HAL: variants seen among roughly 807,000 people sequenced by gnomAD.
The protein encoded by HAL is histidase.
In HAL, 85 loss-of-function variants were observed where a neutral mutation model predicts 81.1. The observed-to-expected ratio is 1.05, with a 90% CI of 0.88 to 1.25. The LOEUF is 1.25. Ranked by LOEUF, HAL falls within the 50% of genes most tolerant of loss-of-function variation. The pLI is 0.00. For missense variants in HAL, 798 were observed against 836.6 expected, an observed-to-expected ratio of 0.95 and a Z score of 0.57; for synonymous variants, 301 against 309.2, an observed-to-expected ratio of 0.97 and a Z score of 0.28.
intron 9 of HAL, among the ~76,000 whole-genome samples, chr12:95,992,460 G>T (rs1478162417): frequency 6.6e-6 from 1 of 152,148 alleles, no homozygotes; most frequent in Non-Finnish European, 1.5e-5. Context: ...TAGGGAAAGG[G>T]TCTTGCAGAA....
chr12:95,986,200 T>C (rs1949885934), intron 12 of HAL, 40 bp from the exon 13 acceptor site: 1 of 1,210,120 alleles, frequency 8.3e-7, no homozygotes, highest in Non-Finnish European at 1.2e-6. Context: ...ATAATTCCAT[T>C]TATTTATTTT....
Position 95,986,106 on chromosome 12 carries a change from C to T in HAL, c.1106G>A (p.Arg369Gln), listed in dbSNP as rs117991621. ...RGQIEVAFRFRSLLDSDHHPS... is the reference protein window; with the variant it reads ...RGQIEVAFRFQSLLDSDHHPS... The stretch of plus-strand genomic sequence containing the variant: ...GTGGTGATCTGAGTCCAAGAGTGAC[C>T]GAAACCGAAAAGCAACTTCAATTTG... The change falls in exon 13 of 21, where the codon CGG becomes CAG. Residue 369 changes from arginine to glutamine, a missense_variant. By Grantham distance (43) the Arg-to-Gln change is conservative. Transcript: ENST00000261208. The T allele has an allele frequency of 3.8e-3, 6,053 of 1,613,096 alleles. 16 individuals carry two copies. The highest frequency in any genetic ancestry group is 4.6e-3 in the Non-Finnish European group (5,462 of 1,179,118).
At position 95,972,861 on chromosome 12, in the gene HAL, A is replaced by G. The variant is rs919570797; in HGVS notation, c.*1371T>C. ...GAGACCACTGGGGGTTACTGGCTCA[A>G]TGGCAGCCCACGGATGACAATGCAC... is the stretch of plus-strand genomic sequence containing the variant. On this transcript the variant is annotated 3_prime_UTR_variant, in exon 21 of 21. Coordinates refer to ENST00000261208, the MANE Select transcript of HAL (RefSeq NM_002108.4). The G allele has an allele frequency of 6.6e-6, 1 of 152,208 alleles. No individual in the cohort carries two copies. The highest frequency in any genetic ancestry group is 2.4e-5 in the African/African-American group (1 of 41,456). 9.4% of individuals were successfully genotyped at this position (152,208 alleles called of 1,614,324 possible).
intron 14 of HAL, 144 bp downstream of exon 14, chr12:95,985,764 A>G: frequency 1.5e-6 from 1 of 661,672 alleles, no homozygotes; most frequent in Admixed American, 2.5e-5. Context: ...AACTTTTCAT[A>G]GAGACAGTAA....
intron 14 of HAL, among the ~76,000 whole-genome samples, chr12:95,984,252 G>A (rs539092918): frequency 1.3e-5 from 2 of 152,308 alleles, no homozygotes; most frequent in South Asian, 4.2e-4. Flanking sequence ...CATGGTGTGG[G>A]AGGAAGAATG....
chr12:95,988,145 AAAT>A, intron 11 of HAL, 45 bp downstream of exon 11: 2 of 890,984 alleles, frequency 2.2e-6, no homozygotes, highest in Non-Finnish European at 3.8e-6. Flanking sequence ...AATACTGCAT[AAAT>A]AAAAACTCAT....
intron 11 of HAL, among the ~76,000 whole-genome samples, chr12:95,987,906 C>T (rs905466062): frequency 2.6e-4 from 13 of 49,812 alleles, no homozygotes; most frequent in Admixed American, 8.0e-4. Flanking sequence ...GCGGGGGGGG[C>T]GGGTAGAGAT....
intron 20 of HAL, chr12:95,975,987 G>C (rs1409641481): frequency 6.1e-6 from 2 of 328,900 alleles, no homozygotes; most frequent in Non-Finnish European, 1.2e-5. Context: ...GCACTAGACA[G>C]ACCGAAAGTC....
intron 10 of HAL, chr12:95,989,742 C>A: frequency 6.3e-6 from 1 of 158,096 alleles, no homozygotes; most frequent in Admixed American, 5.9e-5. Context: ...CAAAGACAAG[C>A]CTGCACGGAA....
chr12:95,993,235 G>A (rs1267368982), intron 8 of HAL, among the ~76,000 whole-genome samples: 1 of 152,136 alleles, frequency 6.6e-6, no homozygotes, highest in Non-Finnish European at 1.5e-5. Flanking sequence ...CATGGGACAT[G>A]TGTTCTCATA....
At chr12:95,984,620 C>A (rs759543665) in intron 14 of HAL, among the ~76,000 whole-genome samples, 1 of 152,156 alleles carries the variant, frequency 6.6e-6, no homozygotes, top group Non-Finnish European at 1.5e-5. Context: ...TCTGTGTGAT[C>A]GTGGGCAAGA....
Position 95,973,465 on chromosome 12 carries a change from C to T in HAL, c.*767G>A, listed in dbSNP as rs933869909. 2.6e-5 allele frequency: 4 copies of T among 152,166 alleles called. No homozygotes were observed. The highest frequency in any genetic ancestry group is 4.4e-5 in the Non-Finnish European group (3 of 68,044). 9.4% of individuals were successfully genotyped at this position (152,166 alleles called of 1,614,324 possible). On this transcript the variant is annotated 3_prime_UTR_variant, in exon 21 of 21. Coordinates refer to ENST00000261208, the MANE Select transcript of HAL (RefSeq NM_002108.4). ...TTACAATAAGAATGTGAATAGAGTACTAACACCAAGGAAGTGAAAATACTA... is the reference window on the plus strand; with the variant it reads ...TTACAATAAGAATGTGAATAGAGTATTAACACCAAGGAAGTGAAAATACTA...
intron 11 of HAL, 52 bp downstream of exon 11, chr12:95,988,141 G>C (rs1345869798): frequency 2.3e-6 from 2 of 866,318 alleles, no homozygotes; most frequent in African/African-American, 3.3e-5. Flanking sequence ...TGAAAATACT[G>C]CATAAATAAA....
chr12:95,975,072 A>G (rs1209132238), intron 20 of HAL, among the ~76,000 whole-genome samples: 1 of 152,252 alleles, frequency 6.6e-6, no homozygotes, highest in Non-Finnish European at 1.5e-5. Flanking sequence ...CAAGCCTTAA[A>G]TGGTAAAAGG....
In HAL at chr12:95,980,686, A is replaced by C. The variant is rs142545012; in HGVS notation, c.1389T>G (p.Leu463=). Reference sequence around the variant, plus strand: ...CGATTCTTCTCTCACTGATTGCAGCAAGTTCATGGATGCCAATGGCCAAGT... The same window carrying C: ...CGATTCTTCTCTCACTGATTGCAGCCAGTTCATGGATGCCAATGGCCAAGT... ...LDYLAIGIHE[L]AAISERRIER... is the part of the protein sequence containing the mutation. Residue 463 remains leucine (L), a synonymous_variant, in exon 17 of 21, where the codon CTT becomes CTG. Transcript: ENST00000261208. 117 of 1,613,970 alleles carry C rather than the reference A, an allele frequency of 7.2e-5. 1 individual carries two copies. The highest frequency in any genetic ancestry group is 4.9e-4 in the Middle Eastern group (3 of 6,084).
intron 4 of HAL, 125 bp from the exon 5 acceptor site, chr12:95,994,289 G>C (rs964112828): frequency 1.0e-5 from 8 of 788,854 alleles, no homozygotes; most frequent in Non-Finnish European, 1.8e-5. Flanking sequence ...ACATGAATAT[G>C]CTAAATAAAA....
chr12:95,985,926 G>A lies in HAL; in HGVS notation c.1188C>T (p.Thr396=), dbSNP rs146214666. 4 of 1,610,054 alleles carry A rather than the reference G, an allele frequency of 2.5e-6. No homozygotes were observed. Among genetic ancestry groups the A allele is most frequent in the African/African-American group, 1.3e-5 (1 of 74,620 alleles). ...RFCDRVQDAY[T]LRCCPQVHGV... ...ATTTTACCTGTGGACAGCAGCGCAA[G>A]GTGTATGCATCCTGGACGCGATCAC... Residue 396 remains threonine (T), a synonymous_variant, in exon 14 of 21, where the codon ACC becomes ACT. Transcript: ENST00000261208.
Position 95,976,484 on chromosome 12 carries a change from T to A in HAL, c.1778A>T (p.Asp593Val), listed in dbSNP as rs772942279. 5 of 1,614,102 alleles carry A rather than the reference T, an allele frequency of 3.1e-6. No homozygotes were observed. Among genetic ancestry groups the A allele is most frequent in the Non-Finnish European group, 3.4e-6 (4 of 1,179,960 alleles). The change falls in exon 20 of 21, where the codon GAT becomes GTT. Residue 593 changes from aspartate to valine, a missense_variant. Transcript: ENST00000261208. ...CTCGATGTCCGGGGCCATGAAGCGA[T>A]CTTTTATCCAGGGCCTACAGGGAGA... is the stretch of plus-strand genomic sequence containing the variant. ...VRSVVRPWIK[D>V]RFMAPDIEAA...
At chr12:95,976,264 A>G in intron 20 of HAL, 165 bp downstream of exon 20, 4 of 708,660 alleles carry the variant, frequency 5.6e-6, no homozygotes, top group Non-Finnish European at 1.0e-5. Context: ...CTTAGTGTTT[A>G]TTATATGGCT....
Sources: gnomAD v4.1 joint callset for allele counts (sites outside exome capture counted in the v4.1 genomes callset) on GRCh38, gnomAD v4.1.1 for gene constraint, MANE v1.5 for transcripts, NCBI Gene and HGNC (gene_info 2026-07-23, HGNC 2026-07-21) for gene names.